Variants in USP10 observed in about 807,000 individuals in gnomAD.
USP10 encodes ubiquitin carboxyl-terminal hydrolase 10.
USP10 carries 22 observed loss-of-function variants against 84.5 expected under a neutral mutation model. The ratio of observed to expected loss-of-function variants is 0.26; its 90% CI spans 0.19 to 0.37. USP10 has a LOEUF of 0.37. USP10 is among the 10% of genes least tolerant of loss of function. USP10 has a pLI of 1.00. For synonymous variants in USP10, 454 were observed against 387.6 expected (o/e 1.17, Z -2.01); for missense variants, 1,019 against 998.9 (o/e 1.02, Z -0.27).
At chr16:84,753,001 C>T (rs1912111684) in intron 4 of USP10, among the ~76,000 whole-genome samples, 1 of 151,746 alleles carries the variant, frequency 6.6e-6, no homozygotes, top group Non-Finnish European at 1.5e-5. Context: ...GGGTCTTGCT[C>T]ATTCATTCAG....
intron 2 of USP10, 38 bp downstream of exon 2, chr16:84,733,541 A>C (rs575043267): frequency 7.3e-7 from 1 of 1,368,292 alleles, no homozygotes. Flanking sequence ...CCGTGGGTAG[A>C]TACAATTAAT....
At chr16:84,747,509 G>C (rs371957718) in intron 4 of USP10, among the ~76,000 whole-genome samples, 2 of 150,128 alleles carry the variant, frequency 1.3e-5, no homozygotes, top group Admixed American at 6.6e-5. Flanking sequence ...TGATAGGCCA[G>C]ACGTCGTTAT....
rs1045674167 is a variant in USP10 at position 84,740,305 on chromosome 16, G to A, written c.91-4G>A. Reference sequence around the variant, plus strand: ...TAAAATTTGTTTTCTGATTCCTTGTGCAGCTTCCTCCATACAGTGGAACAG... The same window carrying A: ...TAAAATTTGTTTTCTGATTCCTTGTACAGCTTCCTCCATACAGTGGAACAG... On this transcript the variant is annotated splice_region_variant and splice_polypyrimidine_tract_variant and intron_variant, in intron 2 of 13. Coordinates refer to ENST00000219473, the MANE Select transcript of USP10 (RefSeq NM_005153.3). 4 of 1,607,150 alleles carry A rather than the reference G, an allele frequency of 2.5e-6. No homozygotes were observed. The highest frequency in any genetic ancestry group is 1.3e-5 in the African/African-American group (1 of 74,832).
At chr16:84,778,756 G>A in intron 13 of USP10, 139 bp from the exon 14 acceptor site, 2 of 803,574 alleles carry the variant, frequency 2.5e-6, no homozygotes, top group Non-Finnish European at 1.9e-6. Context: ...TGGTTTGTGT[G>A]ATGACATCTC....
chr16:84,727,987 A>G (rs565148978), intron 1 of USP10, among the ~76,000 whole-genome samples: 1 of 152,284 alleles, frequency 6.6e-6, no homozygotes, highest in South Asian at 2.1e-4. Context: ...GTATTTAGTT[A>G]TCATGTCTCT....
intron 4 of USP10, among the ~76,000 whole-genome samples, chr16:84,751,427 C>G (rs541816641): frequency 3.0e-4 from 45 of 152,340 alleles, no homozygotes; most frequent in African/African-American, 8.7e-4. Context: ...CCTCTTCAAA[C>G]TCTGAAGTAC....
intron 1 of USP10, among the ~76,000 whole-genome samples, chr16:84,700,954 G>T (rs187532551): frequency 3.9e-5 from 6 of 151,910 alleles, no homozygotes; most frequent in Admixed American, 2.6e-4. Flanking sequence ...ACAAAAATCG[G>T]CATGATGTAT....
intron 4 of USP10, among the ~76,000 whole-genome samples, chr16:84,757,396 GGTGGGGGTGTGTGTGTGT>G (rs1330494002): frequency 0.044 from 5,660 of 127,440 alleles, 153 homozygotes; most frequent in South Asian, 0.091. Flanking sequence ...GAATGAGAGG[GGTGGGGGTGTGTGTGTGT>G]GTGTGTGTGT....
chr16:84,705,051 G>C lies in USP10; in HGVS notation c.21+4940G>C, dbSNP rs150550646. Among the ~76,000 whole-genome samples, 298 of 152,326 alleles carry C rather than the reference G, an allele frequency of 2.0e-3. 2 individuals carry two copies. The highest frequency in any genetic ancestry group is 6.5e-3 in the African/African-American group (272 of 41,584). On this transcript the variant is annotated intron_variant, in intron 1 of 13. Coordinates refer to ENST00000219473, the MANE Select transcript of USP10 (RefSeq NM_005153.3). ...AGTCTCCTCCCCGTTGGGCTTGTGT[G>C]TACAGCCTTATCGGTTGTCATTCTT...
At position 84,764,333 on chromosome 16, in the gene USP10, G is replaced by T. The variant is rs1391859739; in HGVS notation, c.1832+70G>T. On this transcript the variant is annotated intron_variant, in intron 10 of 13. Coordinates refer to ENST00000219473, the MANE Select transcript of USP10 (RefSeq NM_005153.3). ...TTTTGCCATGTTGGTGAAGGGGGAA[G>T]GTGTGAGGCTTGTTTTGAGACTTCT... The T allele has an allele frequency of 1.8e-5, 28 of 1,594,804 alleles. No individual in the cohort carries two copies. In the Admixed American group the frequency reaches 4.8e-4, roughly 27 times the overall value.
At chr16:84,740,550 C>T (rs551899979) in intron 3 of USP10, among the ~76,000 whole-genome samples, 181 bp downstream of exon 3, 5 of 152,350 alleles carry the variant, frequency 3.3e-5, no homozygotes, top group Non-Finnish European at 5.9e-5. Context: ...GGTTTTAAAG[C>T]GTATCCTGTG....
rs776836845 is a variant in USP10 at position 84,740,377 on chromosome 16, A to T, written c.151+8A>T. ...TGGATAAACTACCTGATGGTAAGCT[A>T]GTTCTCTCCTTATTTCCCTGAAGGG... On this transcript the variant is annotated splice_region_variant and intron_variant, in intron 3 of 13. Transcript: ENST00000219473. 1 of 1,611,294 alleles carries T rather than the reference A, an allele frequency of 6.2e-7. No individual in the cohort carries two copies. The highest frequency in any genetic ancestry group is 8.5e-7 in the Non-Finnish European group (1 of 1,178,012).
chr16:84,705,890 T>G (rs151088652), intron 1 of USP10, among the ~76,000 whole-genome samples: 59 of 151,974 alleles, frequency 3.9e-4, no homozygotes, highest in African/African-American at 1.4e-3. Context: ...CAGCTAATTT[T>G]TTTGTATTTT....
intron 1 of USP10, among the ~76,000 whole-genome samples, chr16:84,701,041 C>T (rs1248707291): frequency 2.6e-5 from 4 of 152,160 alleles, no homozygotes; most frequent in South Asian, 2.1e-4. Flanking sequence ...TTTAAACCAT[C>T]TCATTGTGTA....
chr16:84,729,888 T>TA (rs1908986686), intron 1 of USP10, among the ~76,000 whole-genome samples: 2 of 152,212 alleles, frequency 1.3e-5, no homozygotes, highest in African/African-American at 4.8e-5. Context: ...AGCAGTTACT[T>TA]ATGGTGTATT....
At chr16:84,731,464 A>G (rs1007956389) in intron 1 of USP10, among the ~76,000 whole-genome samples, 1 of 151,834 alleles carries the variant, frequency 6.6e-6, no homozygotes, top group African/African-American at 2.4e-5. Context: ...CTTCTTTATC[A>G]TTCTTGTATT....
intron 1 of USP10, among the ~76,000 whole-genome samples, chr16:84,724,591 A>G (rs1567602549): frequency 6.6e-6 from 1 of 152,176 alleles, no homozygotes; most frequent in Admixed American, 6.5e-5. Flanking sequence ...AAATTTTGCT[A>G]TAGCCCTATT....
intron 4 of USP10, among the ~76,000 whole-genome samples, chr16:84,755,191 A>C (rs567109208): frequency 6.6e-6 from 1 of 151,014 alleles, no homozygotes; most frequent in Non-Finnish European, 1.5e-5. Flanking sequence ...ATTTCCTTCC[A>C]GTATCAGTGC....
intron 8 of USP10, among the ~76,000 whole-genome samples, chr16:84,761,685 C>T (rs1195538717): frequency 6.6e-6 from 1 of 152,268 alleles, no homozygotes; most frequent in Non-Finnish European, 1.5e-5. Context: ...AACCAAAAGT[C>T]CAAACTCCCA....
Sources: allele counts gnomAD v4.1 joint callset (sites outside exome capture counted in the v4.1 genomes callset), GRCh38; gene constraint gnomAD v4.1.1; transcripts MANE v1.5; gene names NCBI Gene and HGNC (gene_info 2026-07-23, HGNC 2026-07-21).